The following GNA12 variants were observed in gnomAD, a reference collection of about 807,000 sequenced individuals.
GNA12 encodes guanine nucleotide-binding protein subunit alpha-12.
In GNA12, 9 loss-of-function variants were observed where a neutral mutation model predicts 26.0. That is an observed-to-expected ratio of 0.35 (90% confidence interval 0.21 to 0.60). The LOEUF is 0.60. GNA12 is among the 20% of genes least tolerant of loss of function. The pLI, the probability that GNA12 is intolerant of heterozygous loss-of-function variation, is 0.78. For missense variants in GNA12, 405 were observed against 525.8 expected, an observed-to-expected ratio of 0.77 and a Z score of 2.25; for synonymous variants, 264 against 219.6, an observed-to-expected ratio of 1.20 and a Z score of -1.79.
intron 2 of GNA12, among the ~76,000 whole-genome samples, chr7:2,745,154 A>C (rs1790705616): frequency 6.6e-6 from 1 of 152,226 alleles, no homozygotes; most frequent in African/African-American, 2.4e-5. Flanking sequence ...ATTCAAAATC[A>C]GGAAATACAG....
chr7:2,823,882 A>G (rs755025598), intron 1 of GNA12, among the ~76,000 whole-genome samples: 1 of 152,202 alleles, frequency 6.6e-6, no homozygotes, highest in Non-Finnish European at 1.5e-5. Flanking sequence ...AATAATGCGC[A>G]TTCTAGAAAA....
At chr7:2,770,269 A>C (rs1791915166) in intron 2 of GNA12, among the ~76,000 whole-genome samples, 1 of 152,216 alleles carries the variant, frequency 6.6e-6, no homozygotes, top group South Asian at 2.1e-4. Context: ...AAAATTGTTT[A>C]ATAGGGTCTT....
intron 2 of GNA12, among the ~76,000 whole-genome samples, chr7:2,756,796 T>TAAC (rs1791320194): frequency 6.6e-6 from 1 of 151,950 alleles, no homozygotes; most frequent in Admixed American, 6.6e-5. Context: ...TTTAAGTTAG[T>TAAC]CAAAGAGGAG....
chr7:2,810,251 T>C (rs1793048483), intron 1 of GNA12, among the ~76,000 whole-genome samples: 1 of 152,144 alleles, frequency 6.6e-6, no homozygotes, highest in African/African-American at 2.4e-5. Context: ...TCCTAGACGG[T>C]GATTTCTCAC....
intron 1 of GNA12, among the ~76,000 whole-genome samples, chr7:2,824,765 T>C (rs948580860): frequency 6.6e-6 from 1 of 152,080 alleles, no homozygotes; most frequent in Non-Finnish European, 1.5e-5. Flanking sequence ...ATTTTAACAA[T>C]GCAAATCAAA....
At chr7:2,748,607 CT>C (rs1790879450) in intron 2 of GNA12, among the ~76,000 whole-genome samples, 1 of 152,112 alleles carries the variant, frequency 6.6e-6, no homozygotes, top group African/African-American at 2.4e-5. Context: ...TGGGCAAGGA[CT>C]TCATGTCTAA....
At chr7:2,801,788 C>A (rs1264536522) in intron 1 of GNA12, among the ~76,000 whole-genome samples, 1 of 152,068 alleles carries the variant, frequency 6.6e-6, no homozygotes, top group Non-Finnish European at 1.5e-5. Context: ...TTCTGAAAAT[C>A]CACATCTGAG....
At chr7:2,790,881 G>C (rs897583109) in intron 2 of GNA12, among the ~76,000 whole-genome samples, 1 of 152,060 alleles carries the variant, frequency 6.6e-6, no homozygotes, top group African/African-American at 2.4e-5. Flanking sequence ...GGCTGAGGTG[G>C]GTGGTTTGCC....
chr7:2,803,508 TCAC>T (rs1192153405), intron 1 of GNA12, among the ~76,000 whole-genome samples: 3 of 152,076 alleles, frequency 2.0e-5, no homozygotes, highest in Non-Finnish European at 2.9e-5. Context: ...AACCAGGAAT[TCAC>T]CAAACCTGCA....
intron 1 of GNA12, among the ~76,000 whole-genome samples, chr7:2,816,377 C>G (rs1290495230): frequency 1.3e-5 from 2 of 152,038 alleles, no homozygotes; most frequent in Non-Finnish European, 2.9e-5. Context: ...ATTACAGGTG[C>G]CTGCCACTAT....
rs150227591 is a variant in GNA12, at chr7:2,773,641, C to T, written c.525+21287G>A. Among the ~76,000 whole-genome samples the T allele has an allele frequency of 8.5e-5, 13 of 152,292 alleles. No homozygotes were observed. The East Asian group carries it at 1.9e-3, about 23-fold the overall frequency. On this transcript the variant is annotated intron_variant, in intron 2 of 3. Coordinates refer to ENST00000275364, the MANE Select transcript of GNA12 (RefSeq NM_007353.3). ...ATGGCTATTTGAAAAAGAGGACAAG[C>T]ACTGGTGATGAGGTGGAGTAATGGG...
At chr7:2,743,942 C>G (rs1790635805) in intron 2 of GNA12, among the ~76,000 whole-genome samples, 2 of 152,058 alleles carry the variant, frequency 1.3e-5, no homozygotes, top group South Asian at 4.2e-4. Flanking sequence ...AGTCTGAGAT[C>G]AAACTGCAAG....
In GNA12 at chr7:2,815,060, G is replaced by A. The variant is rs960833209; in HGVS notation, c.310-19917C>T. ...GTCAAAGCCACCAAGCGCCGCCACTGTGGCAGGCTCCGAGGACACAACAGA... is the reference window on the plus strand; with the variant it reads ...GTCAAAGCCACCAAGCGCCGCCACTATGGCAGGCTCCGAGGACACAACAGA... On this transcript the variant is annotated intron_variant, in intron 1 of 3. Coordinates refer to ENST00000275364, the MANE Select transcript of GNA12 (RefSeq NM_007353.3). The A allele has an allele frequency of 6.1e-6, 9 of 1,464,490 alleles. No homozygotes were observed. The East Asian group carries it at 1.3e-4, about 20-fold the overall frequency. 90.7% of individuals were successfully genotyped at this position (1,464,490 alleles called of 1,614,324 possible). A position where few individuals can be genotyped will look rare whatever the true frequency, so the allele number is the denominator to read the frequency against.
chr7:2,749,899 G>T (rs1006816538), intron 2 of GNA12, among the ~76,000 whole-genome samples: 1 of 152,126 alleles, frequency 6.6e-6, no homozygotes, highest in African/African-American at 2.4e-5. Flanking sequence ...TGAGGTGCAG[G>T]CATCTTTGGG....
At chr7:2,829,813 C>T (rs1275423439) in intron 1 of GNA12, among the ~76,000 whole-genome samples, 2 of 152,122 alleles carry the variant, frequency 1.3e-5, no homozygotes, top group Admixed American at 6.5e-5. Context: ...CAGACGTGCT[C>T]GAGGCCAGTT....
intron 2 of GNA12, among the ~76,000 whole-genome samples, chr7:2,743,545 A>G (rs1790610886): frequency 6.6e-6 from 1 of 152,224 alleles, no homozygotes; most frequent in African/African-American, 2.4e-5. Context: ...AAATCTTATC[A>G]GAGGTCAGGG....
Position 2,844,012 on chromosome 7 carries a change from C to T in GNA12, c.150G>A (p.Glu50=), listed in dbSNP as rs1242547838. The T allele has an allele frequency of 6.6e-7, 1 of 1,522,722 alleles. No individual in the cohort carries two copies. The highest frequency in any genetic ancestry group is 2.0e-5 in the Admixed American group (1 of 50,510). 94.3% of individuals were successfully genotyped at this position (1,522,722 alleles called of 1,614,324 possible). A position where few individuals can be genotyped will look rare whatever the true frequency, so the allele number is the denominator to read the frequency against. Residue 50 remains glutamate, a synonymous_variant, in exon 1 of 4, where the codon GAG becomes GAA. Transcript: ENST00000275364. ...SRDIDALLAR[E]RRAVRRLVKI... is the part of the protein sequence containing the mutation. ...TCACCAGGCGCCGGACCGCGCGCCG[C>T]TCGCGGGCCAGCAGCGCGTCGATGT...
At chr7:2,823,660 A>G (rs59879634) in intron 1 of GNA12, among the ~76,000 whole-genome samples, 3,842 of 151,788 alleles carry the variant, frequency 0.025, 169 homozygotes, top group African/African-American at 0.089. Flanking sequence ...GCAATACTCA[A>G]TGTCAAAGGA....
At chr7:2,774,582 AG>A (rs974434870) in intron 2 of GNA12, among the ~76,000 whole-genome samples, 1 of 152,144 alleles carries the variant, frequency 6.6e-6, no homozygotes, top group East Asian at 1.9e-4. Context: ...GCCGAGGCAA[AG>A]GGGGGGTCCA....
Sources: allele counts gnomAD v4.1 joint callset (sites outside exome capture counted in the v4.1 genomes callset), GRCh38; gene constraint gnomAD v4.1.1; transcripts MANE v1.5; gene names NCBI Gene and HGNC (gene_info 2026-07-23, HGNC 2026-07-21).